Variants in NEB observed in about 807,000 individuals in gnomAD.
NEB encodes nemaline myopathy type 2.
In NEB, 512 loss-of-function variants were observed where a neutral mutation model predicts 952.2. The observed-to-expected ratio is 0.54, with a 90% CI of 0.50 to 0.58. The LOEUF (loss-of-function observed/expected upper bound fraction) is 0.58, where lower values mean the gene tolerates loss of function less well. Ranked by LOEUF, NEB falls within the 20% of genes least tolerant of loss-of-function variation. The pLI, the probability that NEB is intolerant of heterozygous loss-of-function variation, is 0.00. For synonymous variants in NEB, 2,900 were observed against 3,149.8 expected (o/e 0.92, Z 2.66); for missense variants, 8,428 against 9,231.1 (o/e 0.91, Z 3.56).
At chr2:151,701,098 C>T (rs2099655061) in intron 13 of NEB, among the ~76,000 whole-genome samples, 1 of 72,792 alleles carries the variant, frequency 1.4e-5, no homozygotes, top group Non-Finnish European at 3.3e-5. Context: ...TTGTCAAAGG[C>T]TTTTTCTGCA....
At chr2:151,524,012 C>T (rs1576177046) in intron 153 of NEB, among the ~76,000 whole-genome samples, 1 of 152,108 alleles carries the variant, frequency 6.6e-6, no homozygotes, top group Non-Finnish European at 1.5e-5. Flanking sequence ...CTCTTAAGGC[C>T]TGGGGAGAGG....
intron 142 of NEB, among the ~76,000 whole-genome samples, chr2:151,533,882 TG>T (rs1434591911): frequency 6.6e-6 from 1 of 152,262 alleles, no homozygotes; most frequent in Non-Finnish European, 1.5e-5. Flanking sequence ...AATTTTTGTT[TG>T]TTTTTTGTTG....
At chr2:151,568,852 G>T in intron 110 of NEB, 136 bp from the exon 111 acceptor site, 2 of 673,542 alleles carry the variant, frequency 3.0e-6, no homozygotes, top group South Asian at 4.3e-5. Context: ...TTGGGAATTT[G>T]GCTTTCTTTT....
intron 166 of NEB, 50 bp from the exon 167 acceptor site, chr2:151,502,935 A>G (rs1442664501): frequency 1.7e-6 from 2 of 1,150,512 alleles, no homozygotes; most frequent in South Asian, 1.4e-5. Context: ...AGGCACAGAG[A>G]GTAAGGAAGG....
intron 117 of NEB, 98 bp downstream of exon 117, chr2:151,564,946 C>A: frequency 1.5e-6 from 1 of 673,220 alleles, no homozygotes; most frequent in Non-Finnish European, 2.5e-6. Flanking sequence ...AATAGATTGG[C>A]TTATAAGTTC....
chr2:151,633,696 G>A lies in NEB; in HGVS notation c.9372C>T (p.Ser3124=), dbSNP rs768098141. 29 of 1,613,666 alleles carry A rather than the reference G, an allele frequency of 1.8e-5. No individual in the cohort carries two copies. Among genetic ancestry groups the A allele is most frequent in the Admixed American group, 5.0e-5 (3 of 59,998 alleles). ...AGGCCTGCCGAGCATGGATGACATC[G>A]CTCTGGTCAGGCAGGCATGTCCACT... is the stretch of plus-strand genomic sequence containing the variant. ...LHEWTCLPDQ[S]DVIHARQAYD... The change falls in exon 65 of 182, where the codon AGC becomes AGT. Residue 3124 remains serine (S), a synonymous_variant. Coordinates refer to ENST00000397345, the MANE Select transcript of NEB (RefSeq NM_001164508.2).
chr2:151,700,340 G>A (rs1325189766), intron 13 of NEB, among the ~76,000 whole-genome samples: 280 of 80,008 alleles, frequency 3.5e-3, no homozygotes, highest in African/African-American at 6.0e-3. Context: ...CTGACTTGGC[G>A]ATGCGGGCTC....
intron 131 of NEB, 135 bp downstream of exon 131, chr2:151,548,166 AAAATGTG>A: frequency 1.4e-6 from 1 of 713,714 alleles, no homozygotes; most frequent in Non-Finnish European, 2.4e-6. Flanking sequence ...TATCAGTATC[AAAATGTG>A]ACAATAAGGA....
intron 145 of NEB, 102 bp downstream of exon 145, chr2:151,530,892 G>T: frequency 2.8e-6 from 2 of 716,876 alleles, no homozygotes; most frequent in East Asian, 2.7e-5. Flanking sequence ...CTAAGTTTTA[G>T]GGTGGTTGTT....
chr2:151,591,463 CA>C lies in NEB; in HGVS notation c.14827-9del. 6.5e-7 allele frequency: 1 copy of C among 1,546,802 alleles called. No individual in the cohort carries two copies. The highest frequency in any genetic ancestry group is 8.7e-7 in the Non-Finnish European group (1 of 1,144,714). On this transcript the variant is annotated splice_polypyrimidine_tract_variant and intron_variant, in intron 95 of 181. Transcript: ENST00000397345. ...AGCTTGCTGATAGCGTTTCTGCAAA[CA>C]GAGAGTGCAATGCCACAGTCAGTCT...
chr2:151,634,670 G>A (rs2098723427), intron 64 of NEB, among the ~76,000 whole-genome samples: 1 of 151,752 alleles, frequency 6.6e-6, no homozygotes, highest in Non-Finnish European at 1.5e-5. Context: ...AATAAAAACA[G>A]TAAAATGAGT....
At position 151,692,532 on chromosome 2, in the gene NEB, C is replaced by T. The variant is rs190759199; in HGVS notation, c.1897-170G>A. The T allele has an allele frequency of 3.2e-4, 210 of 659,870 alleles. 1 individual carries two copies. The African/African-American group carries it at 3.6e-3, about 11-fold the overall frequency. 40.9% of individuals were successfully genotyped at this position (659,870 alleles called of 1,614,324 possible). Reference sequence around the variant, plus strand: ...GAATAGATGTGGTAGAGGCTCATGCCTTATATAATCTCATCTGCTAATAAT... The same window carrying T: ...GAATAGATGTGGTAGAGGCTCATGCTTTATATAATCTCATCTGCTAATAAT... On this transcript the variant is annotated intron_variant, in intron 20 of 181. Transcript: ENST00000397345.
intron 75 of NEB, 84 bp from the exon 76 acceptor site, chr2:151,616,193 A>G (rs2098187958): frequency 1.1e-6 from 1 of 939,958 alleles, no homozygotes. Flanking sequence ...GTCCTCATTT[A>G]AACTTCAGAA....
Position 151,619,699 on chromosome 2 carries a change from C to G in NEB, c.10624G>C (p.Asp3542His), listed in dbSNP as rs777939660. ...AGGGACCACATTATCTTGGGGTCAT[C>G]GTGTACTGCTCGGGCGCCAATGTGG... Reference protein sequence around the residue: ...GHHIGARAVHDDPKIMWSLHI... With the variant: ...GHHIGARAVHHDPKIMWSLHI... Residue 3542 changes from aspartate (D) to histidine (H), a missense_variant, in exon 73 of 182, where the codon GAT (aspartate) becomes CAT (histidine). By Grantham distance (81) the Asp-to-His change is moderately conservative. This residue lies in a region of NEB where 1,772 missense variants were observed against 1,960.3 expected (regional missense o/e 0.90). Coordinates refer to ENST00000397345, the MANE Select transcript of NEB (RefSeq NM_001164508.2). 162 of 1,613,924 alleles carry G rather than the reference C, an allele frequency of 1.0e-4. No homozygotes were observed. The highest frequency in any genetic ancestry group is 6.6e-4 in the Middle Eastern group (4 of 6,062).
intron 71 of NEB, 107 bp from the exon 72 acceptor site, chr2:151,621,133 T>G: frequency 1.4e-6 from 1 of 722,100 alleles, no homozygotes; most frequent in Non-Finnish European, 2.4e-6. Flanking sequence ...CATGAGTATG[T>G]TCAGCCTTAA....
chr2:151,576,930 G>A (rs955791255), intron 105 of NEB, among the ~76,000 whole-genome samples: 3 of 152,010 alleles, frequency 2.0e-5, no homozygotes, highest in African/African-American at 7.2e-5. Context: ...ATTTTGCTTG[G>A]TTTTCTGTGG....
chr2:151,675,282 C>A lies in NEB; in HGVS notation c.3879+5G>T. 6.4e-7 allele frequency: 1 copy of A among 1,550,644 alleles called. No individual in the cohort carries two copies. Among genetic ancestry groups the A allele is most frequent in the Non-Finnish European group, 8.8e-7 (1 of 1,134,594 alleles). ...ATTTCACATCCCAGCAAAGACCCTACTTACGTCACTTATATTGTAAGCATT... is the reference window on the plus strand; with the variant it reads ...ATTTCACATCCCAGCAAAGACCCTAATTACGTCACTTATATTGTAAGCATT... On this transcript the variant is annotated splice_donor_5th_base_variant and intron_variant, in intron 35 of 181. Coordinates refer to ENST00000397345, the MANE Select transcript of NEB (RefSeq NM_001164508.2).
intron 52 of NEB, 137 bp downstream of exon 52, chr2:151,653,855 T>C (rs982601525): frequency 1.9e-6 from 1 of 539,778 alleles, no homozygotes. Context: ...GAACTCCGGA[T>C]AAATGAAGAG....
In NEB at chr2:151,727,806, G is replaced by A. The variant is rs1477707498; in HGVS notation, c.179C>T (p.Pro60Leu). 6.3e-7 allele frequency: 1 copy of A among 1,599,126 alleles called. No homozygotes were observed. Among genetic ancestry groups the A allele is most frequent in the Non-Finnish European group, 8.5e-7 (1 of 1,174,004 alleles). ...PALAQPALAQ[P>L]ASAKPVERRK... ...CCTCTCCACCGGCTTTGCTGATGCT[G>A]GCTGTGCCAGTGCTGGCTGTGCCAG... Residue 60 changes from proline to leucine, a missense_variant, in exon 5 of 182, where the codon CCA becomes CTA. Physicochemically the swap from Pro to Leu is moderately conservative, Grantham distance 98. Around this residue, in one of 11 missense-constraint regions of NEB, gnomAD observed 2,851 missense variants for 2,791.5 expected, o/e 1.02. Transcript: ENST00000397345.
Sources: allele counts gnomAD v4.1 joint callset (sites outside exome capture counted in the v4.1 genomes callset), GRCh38; gene constraint gnomAD v4.1.1; regional missense constraint gnomAD v4.1.1; transcripts MANE v1.5; gene names NCBI Gene and HGNC (gene_info 2026-07-23, HGNC 2026-07-21).